Variants in NYAP2 observed in about 807,000 individuals in gnomAD.
NYAP2 encodes the protein neuronal tyrosine-phosphorylated phosphoinositide-3-kinase adapter 2.
NYAP2 carries 23 observed loss-of-function variants against 50.4 expected under a neutral mutation model. The observed-to-expected ratio is 0.46, with a 90% CI of 0.33 to 0.65. The LOEUF is 0.65. NYAP2 is among the 30% of genes least tolerant of loss of function. The probability of loss-of-function intolerance (pLI) is 0.02; values close to 1 mark genes in which losing one functional copy is unlikely to be tolerated. For synonymous variants in NYAP2, 394 were observed against 365.2 expected, an observed-to-expected ratio of 1.08 and a Z score of -0.90; for missense variants, 885 against 861.0, an observed-to-expected ratio of 1.03 and a Z score of -0.35.
chr2:225,405,942 A>G (rs1224204441), intron 2 of NYAP2, among the ~76,000 whole-genome samples: 4 of 151,958 alleles, frequency 2.6e-5, no homozygotes, highest in African/African-American at 9.7e-5. Flanking sequence ...TCAAAGTAAA[A>G]TTACATTTAT....
At chr2:225,692,393 AT>A in the NYAP2 span, among the ~76,000 whole-genome samples, 1 of 152,012 alleles carries the variant, frequency 6.6e-6, no homozygotes, top group Non-Finnish European at 1.5e-5. Flanking sequence ...GAAGTAATTA[AT>A]TTTATTTTCT....
chr2:225,639,855 C>G (rs1188500635), intron 6 of NYAP2, among the ~76,000 whole-genome samples: 1 of 152,036 alleles, frequency 6.6e-6, no homozygotes, highest in African/African-American at 2.4e-5. Flanking sequence ...ATCCTAATAA[C>G]CTGGGGACTG....
At chr2:225,627,763 T>C (rs1042693752) in intron 6 of NYAP2, among the ~76,000 whole-genome samples, 2 of 152,246 alleles carry the variant, frequency 1.3e-5, no homozygotes, top group African/African-American at 2.4e-5. Context: ...GTAGGTATTA[T>C]TAAACATCAA....
chr2:225,410,104 A>G (rs1204724717), intron 3 of NYAP2, among the ~76,000 whole-genome samples: 2 of 152,136 alleles, frequency 1.3e-5, no homozygotes, highest in Non-Finnish European at 2.9e-5. Context: ...TAAAGAAGCT[A>G]GGTGAGATCA....
At chr2:225,663,424 C>T in the NYAP2 span, among the ~76,000 whole-genome samples, 2 of 152,154 alleles carry the variant, frequency 1.3e-5, no homozygotes, top group African/African-American at 4.8e-5. Context: ...GAATCACAAA[C>T]AACTTTGCTT....
At chr2:225,458,075 C>T (rs144056503) in intron 3 of NYAP2, among the ~76,000 whole-genome samples, 227 of 151,950 alleles carry the variant, frequency 1.5e-3, no homozygotes, top group Middle Eastern at 3.4e-3. Context: ...AAAAACGATA[C>T]GCACAGTACA....
exon 1 of NYAP2, chr2:225,399,908 T>C (rs941168177): frequency 1.3e-5 from 2 of 152,096 alleles, no homozygotes; most frequent in African/African-American, 4.8e-5. Context: ...ATTTTTCCTC[T>C]CCATAAAGAC....
chr2:225,494,902 A>T (rs932140916), intron 3 of NYAP2, among the ~76,000 whole-genome samples: 16 of 152,252 alleles, frequency 1.1e-4, no homozygotes, highest in Non-Finnish European at 1.8e-4. Context: ...GATATAAAAA[A>T]CTATAGAGTT....
rs565332221 is a variant in NYAP2 at position 225,445,262 on chromosome 2, C to T, written c.221+36161C>T. Among the ~76,000 whole-genome samples, 27 of 152,146 alleles carry T rather than the reference C, an allele frequency of 1.8e-4. 1 individual carries two copies. The highest frequency in any genetic ancestry group is 3.4e-3 in the Middle Eastern group (1 of 294). ...AAATTTTCCTAAAGTTTTTTAGGAACTTATGCTAAAGTACATAAAATTATG... is the reference window on the plus strand; with the variant it reads ...AAATTTTCCTAAAGTTTTTTAGGAATTTATGCTAAAGTACATAAAATTATG... On this transcript the variant is annotated intron_variant, in intron 3 of 6. Coordinates refer to ENST00000636099, the Ensembl canonical transcript of NYAP2.
intron 3 of NYAP2, among the ~76,000 whole-genome samples, chr2:225,453,825 G>A (rs1044809965): frequency 4.1e-5 from 6 of 145,796 alleles, no homozygotes; most frequent in South Asian, 2.2e-4. Context: ...CCTCCACCAC[G>A]CCCGGCTAAT....
At chr2:225,581,875 T>C (rs1574691033) in intron 4 of NYAP2, 66 bp from the exon 5 acceptor site, 2 of 1,466,122 alleles carry the variant, frequency 1.4e-6, no homozygotes, top group Non-Finnish European at 1.8e-6. Flanking sequence ...TAAACCCACA[T>C]GCAAATCATT....
chr2:225,409,180 C>T, intron 3 of NYAP2, 79 bp downstream of exon 3: 1 of 1,083,140 alleles, frequency 9.2e-7, no homozygotes, highest in Non-Finnish European at 1.3e-6. Context: ...GATGTTGTCA[C>T]TTGGTCAGAA....
intron 2 of NYAP2, among the ~76,000 whole-genome samples, chr2:225,407,062 C>T (rs924972522): frequency 6.6e-6 from 1 of 152,018 alleles, no homozygotes; most frequent in Non-Finnish European, 1.5e-5. Flanking sequence ...AGTGACTTGG[C>T]TTGCTTAACT....
chr2:225,503,018 A>T (rs1690634047), intron 3 of NYAP2, among the ~76,000 whole-genome samples: 1 of 152,230 alleles, frequency 6.6e-6, no homozygotes, highest in Non-Finnish European at 1.5e-5. Flanking sequence ...ATTATACTTT[A>T]AACTGGCATT....
intron 6 of NYAP2, among the ~76,000 whole-genome samples, chr2:225,648,518 G>A (rs1333017232): frequency 1.3e-5 from 2 of 152,028 alleles, no homozygotes; most frequent in African/African-American, 4.8e-5. Context: ...ATTATGGGGA[G>A]GTTTCTGAGA....
chr2:225,579,251 T>C (rs1362094755), intron 4 of NYAP2, among the ~76,000 whole-genome samples: 2 of 152,140 alleles, frequency 1.3e-5, no homozygotes, highest in Admixed American at 6.5e-5. Flanking sequence ...CTTCAACAGA[T>C]GAATTTTTTT....
intron 3 of NYAP2, among the ~76,000 whole-genome samples, chr2:225,475,288 C>A (rs1251587469): frequency 6.6e-6 from 1 of 152,136 alleles, no homozygotes; most frequent in African/African-American, 2.4e-5. Context: ...CCATACCAAA[C>A]CAAACCCTAC....
intron 6 of NYAP2, among the ~76,000 whole-genome samples, chr2:225,631,351 G>A (rs1360123619): frequency 6.6e-6 from 1 of 152,068 alleles, no homozygotes; most frequent in South Asian, 2.1e-4. Context: ...GAGGTTTTTA[G>A]TGTTGTTTGT....
At chr2:225,647,923 C>A (rs944066315) in intron 6 of NYAP2, among the ~76,000 whole-genome samples, 1 of 151,956 alleles carries the variant, frequency 6.6e-6, no homozygotes, top group Non-Finnish European at 1.5e-5. Flanking sequence ...AATCAAAAGT[C>A]GATACCAAGA....
Sources: allele counts gnomAD v4.1 joint callset (sites outside exome capture counted in the v4.1 genomes callset), GRCh38; gene constraint gnomAD v4.1.1; transcripts MANE v1.5; gene names NCBI Gene and HGNC (gene_info 2026-07-23, HGNC 2026-07-21).